The following SPTA1 variants were observed in gnomAD, a reference collection of about 807,000 sequenced individuals.
SPTA1 encodes the protein spectrin alpha, erythrocytic 1.
SPTA1 carries 177 observed loss-of-function variants against 324.7 expected under a neutral mutation model. That is an observed-to-expected ratio of 0.55 (90% confidence interval 0.48 to 0.62). SPTA1 has a LOEUF of 0.62. Among genes scored for constraint, SPTA1 ranks in the 20% least tolerant of loss-of-function variants. The probability of loss-of-function intolerance (pLI) is 0.00; values close to 1 mark genes in which losing one functional copy is unlikely to be tolerated. For synonymous variants in SPTA1, 1,195 were observed against 1,041.3 expected (o/e 1.15, Z -2.84); for missense variants, 3,162 against 2,883.6 (o/e 1.10, Z -2.21).
intron 41 of SPTA1, 143 bp downstream of exon 41, chr1:158,626,696 A>G: frequency 1.0e-6 from 1 of 993,564 alleles, no homozygotes. Context: ...ATGTGAGTGT[A>G]ATTCTGTCCA....
chr1:158,680,330 ATTGTG>A (rs1417509735), intron 5 of SPTA1, among the ~76,000 whole-genome samples: 1 of 152,124 alleles, frequency 6.6e-6, no homozygotes, highest in Non-Finnish European at 1.5e-5. Context: ...TTCACTGCCC[ATTGTG>A]TATTTAATTT....
chr1:158,644,205 A>G (rs1571433713), intron 30 of SPTA1, 48 bp downstream of exon 30: 1 of 1,605,678 alleles, frequency 6.2e-7, no homozygotes, highest in Non-Finnish European at 8.5e-7. Context: ...GATTTCTGTT[A>G]TTATTACTAC....
Position 158,634,600 on chromosome 1 carries a change from A to T in SPTA1, c.5508T>A (p.Asn1836Lys), listed in dbSNP as rs541384970. 6.2e-7 allele frequency: 1 copy of T among 1,614,122 alleles called. No homozygotes were observed. The highest frequency in any genetic ancestry group is 1.3e-5 in the African/African-American group (1 of 75,032). Residue 1836 changes from asparagine to lysine, a missense_variant, in exon 39 of 52, where the codon AAT becomes AAA. Coordinates refer to ENST00000643759, the MANE Select transcript of SPTA1 (RefSeq NM_003126.4). ...CTCGGACAGCCAAAGCATTCTTTTC[A>T]TTGATCCAAGCTTCCTCTTCCTCAG... is the stretch of plus-strand genomic sequence containing the variant. ...QNAEEEEAWI[N>K]EKNALAVRGD...
chr1:158,661,220 G>C (rs979159117), intron 18 of SPTA1, 67 bp downstream of exon 18: 1 of 1,611,036 alleles, frequency 6.2e-7, no homozygotes, highest in Non-Finnish European at 8.5e-7. Flanking sequence ...CCCTAGGATA[G>C]TACAAACTTC....
At chr1:158,681,250 G>A (rs1654788017) in intron 4 of SPTA1, among the ~76,000 whole-genome samples, 1 of 152,106 alleles carries the variant, frequency 6.6e-6, no homozygotes, top group Non-Finnish European at 1.5e-5. Flanking sequence ...AAAAATCATG[G>A]AAGTGGAAGA....
intron 27 of SPTA1, among the ~76,000 whole-genome samples, chr1:158,646,495 AAAAC>A (rs528248852): frequency 3.1e-4 from 47 of 152,320 alleles, no homozygotes; most frequent in Middle Eastern, 3.4e-3. Flanking sequence ...AACAAAACAA[AAAAC>A]AAACAAAAAA....
At chr1:158,659,600 T>G (rs1005292097) in intron 18 of SPTA1, among the ~76,000 whole-genome samples, 1 of 12,350 alleles carries the variant, frequency 8.1e-5, no homozygotes, top group Non-Finnish European at 1.2e-4. Context: ...GCATTATTTT[T>G]TTTTTTTTTT....
At chr1:158,643,667 T>C (rs1651783988) in intron 30 of SPTA1, among the ~76,000 whole-genome samples, 1 of 152,184 alleles carries the variant, frequency 6.6e-6, no homozygotes, top group South Asian at 2.1e-4. Context: ...ATGACCATTG[T>C]AGAGGGTGAA....
rs560479426 is a variant in SPTA1 at position 158,642,444 on chromosome 1, A to T, written c.4704T>A (p.Cys1568Ter). 5 of 1,613,652 alleles carry T rather than the reference A, an allele frequency of 3.1e-6. No individual in the cohort carries two copies. In the South Asian group the frequency reaches 5.5e-5, roughly 18 times the overall value. The change falls in exon 33 of 52, where the codon TGT becomes TGA. Residue 1568 changes from cysteine (C) to a stop codon, truncating the protein, a stop_gained. Transcript: ENST00000643759. LOFTEE classifies it high-confidence loss of function. ...VINLGNSLIE[C>*]SACDGNEEAM... is the part of the protein sequence containing the mutation. ...CCTCTTCATTGCCATCACAAGCGCT[A>T]CACTCAATCAGGGAGTTCCCCAGGT...
chr1:158,639,564 G>A lies in SPTA1; in HGVS notation c.4980+18C>T, dbSNP rs779255170. ...ATTTCTATTCTGCCCAGAGGAGAGG[G>A]ATGCCAACACTACTTACCTCTCGAG... On this transcript the variant is annotated intron_variant, in intron 35 of 51. Coordinates refer to ENST00000643759, the MANE Select transcript of SPTA1 (RefSeq NM_003126.4). 9 of 1,609,312 alleles carry A rather than the reference G, an allele frequency of 5.6e-6. No individual in the cohort carries two copies. The South Asian group carries it at 6.6e-5, about 12-fold the overall frequency.
chr1:158,677,927 T>G, intron 6 of SPTA1, 93 bp from the exon 7 acceptor site: 4 of 1,511,452 alleles, frequency 2.6e-6, no homozygotes, highest in Non-Finnish European at 3.7e-6. Context: ...CCATCCTAGT[T>G]GACCCAGGAG....
chr1:158,633,692 A>G (rs983340557), intron 39 of SPTA1, among the ~76,000 whole-genome samples: 1 of 151,704 alleles, frequency 6.6e-6, no homozygotes, highest in Non-Finnish European at 1.5e-5. Flanking sequence ...AAGAAAAAAG[A>G]AAAAGTTCTG....
chr1:158,652,731 G>T, intron 22 of SPTA1, 78 bp from the exon 23 acceptor site: 1 of 1,499,784 alleles, frequency 6.7e-7, no homozygotes, highest in Admixed American at 1.8e-5. Flanking sequence ...CAAACATAGA[G>T]AAAGAAGGAA....
intron 7 of SPTA1, 112 bp from the exon 8 acceptor site, chr1:158,676,407 G>A (rs927513116): frequency 1.4e-5 from 16 of 1,149,448 alleles, no homozygotes; most frequent in Admixed American, 1.9e-5. Context: ...TTTAGAAATC[G>A]ACATATGAAT....
chr1:158,677,333 G>T (rs554071981), intron 7 of SPTA1, among the ~76,000 whole-genome samples: 7 of 152,218 alleles, frequency 4.6e-5, no homozygotes, highest in African/African-American at 1.7e-4. Context: ...AACAAAATGT[G>T]GTTAGATGAA....
Position 158,656,640 on chromosome 1 carries a change from T to C in SPTA1, c.2822A>G (p.His941Arg), listed in dbSNP as rs751259397. The C allele has an allele frequency of 1.1e-5, 17 of 1,613,608 alleles. No individual in the cohort carries two copies. The highest frequency in any genetic ancestry group is 1.4e-5 in the Non-Finnish European group (17 of 1,179,836). Residue 941 changes from histidine (H) to arginine (R), a missense_variant, in exon 20 of 52, where the codon CAT becomes CGT. His to Arg is a conservative substitution (Grantham distance 29). Transcript: ENST00000643759. ...EEAAGALLKK[H>R]EAFLLDLNSF... ...ATTGAGATCTAATAGAAAGGCCTCA[T>C]GCTTCTTTAGAAGAGCCTGCATTTA...
chr1:158,611,207 C>A lies in SPTA1; in HGVS notation c.*57G>T, dbSNP rs1389450582. The A allele has an allele frequency of 1.9e-6, 3 of 1,606,288 alleles. No individual in the cohort carries two copies. Among genetic ancestry groups the A allele is most frequent in the East Asian group, 4.5e-5 (2 of 44,498 alleles). Reference sequence around the variant, plus strand: ...TTCCACATTTGCCTGTACTCTTTGCCCCCCAGTAAATTTCCCACGACACTA... The same window carrying A: ...TTCCACATTTGCCTGTACTCTTTGCACCCCAGTAAATTTCCCACGACACTA... On this transcript the variant is annotated 3_prime_UTR_variant, in exon 52 of 52. Coordinates refer to ENST00000643759, the MANE Select transcript of SPTA1 (RefSeq NM_003126.4).
At position 158,669,589 on chromosome 1, in the gene SPTA1, T is replaced by C. The variant is rs769134818; in HGVS notation, c.1678-26A>G. On this transcript the variant is annotated intron_variant, in intron 13 of 51. Coordinates refer to ENST00000643759, the MANE Select transcript of SPTA1 (RefSeq NM_003126.4). ...CTGCAAAAACCATGAGTAAACTTAC[T>C]GTCAGCACAACCAAATATGGACATG... 9.3e-6 allele frequency: 15 copies of C among 1,614,030 alleles called. No homozygotes were observed. In the African/African-American group the frequency reaches 1.1e-4, roughly 11 times the overall value.
At chr1:158,646,492 C>CA (rs1246787537) in intron 27 of SPTA1, among the ~76,000 whole-genome samples, 4 of 151,830 alleles carry the variant, frequency 2.6e-5, no homozygotes, top group African/African-American at 9.7e-5. Context: ...CAAAACAAAA[C>CA]AAAAAACAAA....
Sources: gnomAD v4.1 joint callset for allele counts (sites outside exome capture counted in the v4.1 genomes callset) on GRCh38, gnomAD v4.1.1 for gene constraint, MANE v1.5 for transcripts, NCBI Gene and HGNC (gene_info 2026-07-23, HGNC 2026-07-21) for gene names.